CASZ1: variants seen among roughly 807,000 people sequenced by gnomAD.
CASZ1 encodes castor zinc finger 1.
A neutral mutation model predicts 135.2 loss-of-function variants in CASZ1; 28 were observed. That is an observed-to-expected ratio of 0.21 (90% confidence interval 0.15 to 0.28). The LOEUF (loss-of-function observed/expected upper bound fraction) is 0.28. CASZ1 is among the 10% of genes least tolerant of loss of function. The probability of loss-of-function intolerance (pLI) is 1.00; values close to 1 mark genes in which losing one functional copy is unlikely to be tolerated. For missense variants in CASZ1, 2,161 were observed against 2,453.3 expected (o/e 0.88, Z 2.52); for synonymous variants, 1,068 against 1,073.4 (o/e 0.99, Z 0.10).
At position 10,677,942 on chromosome 1, in the gene CASZ1, T is replaced by C. The variant is rs149023389; in HGVS notation, c.17-12371A>G. Among the ~76,000 whole-genome samples the C allele has an allele frequency of 3.2e-3, 489 of 152,264 alleles. 3 individuals carry two copies. Among genetic ancestry groups the C allele is most frequent in the African/African-American group, 0.011 (472 of 41,558 alleles). Reference sequence around the variant, plus strand: ...CCCCCGTTCTCCAGGGGAAGCAAAGTGGAGGCTGGCTGCGTGGCCTGGCTG... The same window carrying C: ...CCCCCGTTCTCCAGGGGAAGCAAAGCGGAGGCTGGCTGCGTGGCCTGGCTG... On this transcript the variant is annotated intron_variant, in intron 4 of 20. Coordinates refer to ENST00000377022, the MANE Select transcript of CASZ1 (RefSeq NM_001079843.3).
chr1:10,730,184 C>T (rs1332411851), intron 2 of CASZ1, among the ~76,000 whole-genome samples: 1 of 142,660 alleles, frequency 7.0e-6, no homozygotes, highest in African/African-American at 2.6e-5. Context: ...GATCTCGGGT[C>T]GCTGCAACCT....
intron 3 of CASZ1, among the ~76,000 whole-genome samples, chr1:10,703,949 A>C (rs1243942470): frequency 6.6e-6 from 1 of 152,192 alleles, no homozygotes; most frequent in East Asian, 1.9e-4. Flanking sequence ...AGAGAATGGA[A>C]GCACTTGGGG....
chr1:10,792,859 A>T (rs185012466), intron 1 of CASZ1, among the ~76,000 whole-genome samples: 75 of 152,242 alleles, frequency 4.9e-4, no homozygotes, highest in Admixed American at 1.8e-3. Flanking sequence ...TTTTCCCCAA[A>T]AAATAAATAA....
chr1:10,654,396 G>T (rs1570420089), intron 10 of CASZ1, 23 bp downstream of exon 10: 1 of 1,609,352 alleles, frequency 6.2e-7, no homozygotes, highest in Non-Finnish European at 8.5e-7. Flanking sequence ...GCCCACGAAG[G>T]CCCCCACCAG....
rs1200585045 is a variant in CASZ1, at chr1:10,735,466, C to T, written c.-77+25235G>A. 6.6e-6 allele frequency among the ~76,000 whole-genome samples: 1 copy of T among 152,108 alleles called. No individual in the cohort carries two copies. Among genetic ancestry groups the T allele is most frequent in the African/African-American group, 2.4e-5 (1 of 41,400 alleles). On this transcript the variant is annotated intron_variant, in intron 2 of 20. Transcript: ENST00000377022. This position sits in a 1 kb window ranked among gnomAD's most constrained non-coding sequence, Gnocchi z 5.1. The stretch of plus-strand genomic sequence containing the variant: ...GGGCTGCCTCCCTCTGCTCCCGCTG[C>T]CACTTGCAGGCTCAGCCAGCTCCAC...
chr1:10,744,371 C>T (rs969585721), intron 2 of CASZ1, among the ~76,000 whole-genome samples: 14 of 149,656 alleles, frequency 9.4e-5, no homozygotes, highest in South Asian at 6.5e-4. Flanking sequence ...ATGTCCTGGG[C>T]ACCACGAGCA....
At chr1:10,682,765 C>G (rs1257603098) in intron 4 of CASZ1, among the ~76,000 whole-genome samples, 1 of 152,244 alleles carries the variant, frequency 6.6e-6, no homozygotes. Context: ...AGGGGCTCTT[C>G]AGCTCCATCT....
rs982267658 is a variant in CASZ1, at chr1:10,759,347, C to A, written c.-77+1354G>T. Among the ~76,000 whole-genome samples the A allele has an allele frequency of 6.6e-6, 1 of 152,190 alleles. No individual in the cohort carries two copies. The highest frequency in any genetic ancestry group is 1.5e-5 in the Non-Finnish European group (1 of 68,034). On this transcript the variant is annotated intron_variant, in intron 2 of 20. Coordinates refer to ENST00000377022, the MANE Select transcript of CASZ1 (RefSeq NM_001079843.3). The surrounding 1 kb of genome is among the most constrained non-coding windows in gnomAD (Gnocchi z 4.2). ...CCCAGAAGACTTCAGCGCCACGAAACTCCCCCCACGGCCTTTTCCAGGTGA... is the reference window on the plus strand; with the variant it reads ...CCCAGAAGACTTCAGCGCCACGAAAATCCCCCCACGGCCTTTTCCAGGTGA...
chr1:10,698,281 T>C (rs772664227), intron 3 of CASZ1, among the ~76,000 whole-genome samples: 3 of 152,222 alleles, frequency 2.0e-5, no homozygotes, highest in Non-Finnish European at 2.9e-5. Context: ...TGGAAAATTA[T>C]AGGAAAATTA....
Position 10,777,995 on chromosome 1 carries a change from A to AG in CASZ1, c.-233-17139dup, listed in dbSNP as rs1243803867. On this transcript the variant is annotated intron_variant, in intron 1 of 20. Transcript: ENST00000377022. This position sits in a 1 kb window ranked among gnomAD's most constrained non-coding sequence, Gnocchi z 4.4. ...CGCAATCGCATACACAATCTCATAC[A>AG]GTCTCATATACACTCACTCATACAA... is the stretch of plus-strand genomic sequence containing the variant. Among the ~76,000 whole-genome samples, 1 of 152,042 alleles carries AG rather than the reference A, an allele frequency of 6.6e-6. No homozygotes were observed. Among genetic ancestry groups the AG allele is most frequent in the Admixed American group, 6.6e-5 (1 of 15,258 alleles).
At chr1:10,690,675 G>GCC (rs143941689) in intron 4 of CASZ1, among the ~76,000 whole-genome samples, 2,209 of 152,228 alleles carry the variant, frequency 0.015, 28 homozygotes, top group Middle Eastern at 0.048. Flanking sequence ...TCCCTCACCG[G>GCC]CACCCCCTGC....
intron 1 of CASZ1, among the ~76,000 whole-genome samples, chr1:10,779,177 C>T (rs901976339): frequency 6.6e-6 from 1 of 151,770 alleles, no homozygotes; most frequent in Middle Eastern, 3.4e-3. Flanking sequence ...GTCTCCCCCC[C>T]AGCCCCACCC....
rs749006080 is a variant in CASZ1, at chr1:10,653,619, A to ACCTTC, written c.2437_2438insGAAGG (p.Leu813ArgfsTer66). 1 of 1,550,966 alleles carries ACCTTC rather than the reference A, an allele frequency of 6.4e-7. No homozygotes were observed. Among genetic ancestry groups the ACCTTC allele is most frequent in the South Asian group, 1.2e-5 (1 of 80,410 alleles). ...CAGGAGGCTGGGGGTGCCCACAGGC[A>ACCTTC]GGGAGGTGCTCCCACGGCCAGCCAG... On this transcript the variant is annotated frameshift_variant, in exon 11 of 21. Transcript: ENST00000377022. LOFTEE classifies it high-confidence loss of function.
chr1:10,769,333 G>T lies in CASZ1; in HGVS notation c.-233-8476C>A, dbSNP rs79552103. On this transcript the variant is annotated intron_variant, in intron 1 of 20. Coordinates refer to ENST00000377022, the MANE Select transcript of CASZ1 (RefSeq NM_001079843.3). Reference sequence around the variant, plus strand: ...CACATGCGGCTACTGAGCACTAGACGTGGACAATGTGACTGAGGAACTGAA... The same window carrying T: ...CACATGCGGCTACTGAGCACTAGACTTGGACAATGTGACTGAGGAACTGAA... Among the ~76,000 whole-genome samples, 701 of 152,246 alleles carry T rather than the reference G, an allele frequency of 4.6e-3. 3 individuals carry two copies. The highest frequency in any genetic ancestry group is 0.015 in the African/African-American group (608 of 41,530).
At chr1:10,704,287 G>A (rs1250056708) in intron 3 of CASZ1, 2 of 152,588 alleles carry the variant, frequency 1.3e-5, no homozygotes, top group Non-Finnish European at 2.9e-5. Context: ...AGGAGGACGG[G>A]AGTGGCCAGA....
chr1:10,694,781 G>A lies in CASZ1; in HGVS notation c.-23-869C>T, dbSNP rs1395108921. On this transcript the variant is annotated intron_variant, in intron 3 of 20. Coordinates refer to ENST00000377022, the MANE Select transcript of CASZ1 (RefSeq NM_001079843.3). The surrounding 1 kb of genome is among the most constrained non-coding windows in gnomAD (Gnocchi z 6.6). ...ATTCCCCAAACCTCTGGCTCCGGGA[G>A]GAGGAGGCGGGGACTTGCGCTCAGG... Among the ~76,000 whole-genome samples the A allele has an allele frequency of 3.9e-4, 57 of 145,188 alleles. No individual in the cohort carries two copies. Among genetic ancestry groups the A allele is most frequent in the Admixed American group, 1.8e-3 (27 of 14,616 alleles).
chr1:10,723,989 C>T (rs1639551552), intron 2 of CASZ1, among the ~76,000 whole-genome samples: 1 of 152,152 alleles, frequency 6.6e-6, no homozygotes, highest in South Asian at 2.1e-4. Context: ...AAACTCACAC[C>T]CAACCGCTAG....
intron 4 of CASZ1, among the ~76,000 whole-genome samples, chr1:10,692,244 G>T (rs1012953099): frequency 2.0e-5 from 3 of 152,346 alleles, no homozygotes; most frequent in Non-Finnish European, 4.4e-5. Flanking sequence ...TGGCACCCAG[G>T]TTAGGAGGAG....
intron 4 of CASZ1, among the ~76,000 whole-genome samples, chr1:10,692,803 G>C (rs1022705660): frequency 3.9e-5 from 6 of 152,164 alleles, no homozygotes; most frequent in Non-Finnish European, 7.3e-5. Flanking sequence ...CCGATGCTGT[G>C]AACTTGGGCC....
Sources: allele counts gnomAD v4.1 joint callset (sites outside exome capture counted in the v4.1 genomes callset), GRCh38; gene constraint gnomAD v4.1.1; non-coding constraint Gnocchi (gnomAD v3.1); transcripts MANE v1.5; gene names NCBI Gene and HGNC (gene_info 2026-07-23, HGNC 2026-07-21).